SMAP1: variants seen among roughly 807,000 people sequenced by gnomAD.
SMAP1 encodes the protein stromal membrane-associated protein 1.
A neutral mutation model predicts 58.5 loss-of-function variants in SMAP1; 24 were observed. That is an observed-to-expected ratio of 0.41 (90% CI 0.30 to 0.58). SMAP1 has a LOEUF of 0.58. Among genes scored for constraint, SMAP1 ranks in the 20% least tolerant of loss-of-function variants. SMAP1 has a pLI of 0.29. For synonymous variants in SMAP1, 216 were observed against 196.6 expected (o/e 1.10, Z -0.82); for missense variants, 563 against 566.3 (o/e 0.99, Z 0.06).
chr6:70,774,583 A>T (rs1582159630), intron 4 of SMAP1, among the ~76,000 whole-genome samples: 2 of 152,196 alleles, frequency 1.3e-5, no homozygotes, highest in Admixed American at 1.3e-4. Flanking sequence ...TTGTTAAAAA[A>T]GTTTTTAAGT....
intron 6 of SMAP1, among the ~76,000 whole-genome samples, chr6:70,811,177 TCTAA>T (rs1769371462): frequency 6.6e-6 from 1 of 152,202 alleles, no homozygotes; most frequent in South Asian, 2.1e-4. Flanking sequence ...TTACTAGATG[TCTAA>T]CTACTCTGTG....
chr6:70,710,908 C>T (rs1768031399), intron 1 of SMAP1, among the ~76,000 whole-genome samples: 1 of 151,952 alleles, frequency 6.6e-6, no homozygotes. Context: ...GACACGAACA[C>T]CCATATTAGC....
chr6:70,852,761 A>G (rs1751819893), intron 8 of SMAP1, 97 bp downstream of exon 8: 1 of 1,341,728 alleles, frequency 7.5e-7, no homozygotes, highest in African/African-American at 1.5e-5. Flanking sequence ...CTGAGCAGTA[A>G]CTGATTTAAA....
At chr6:70,845,921 G>A (rs922816588) in intron 7 of SMAP1, among the ~76,000 whole-genome samples, 65 of 152,186 alleles carry the variant, frequency 4.3e-4, no homozygotes, top group African/African-American at 1.5e-3. Context: ...AAGCCCTGGT[G>A]TAGGGATTCT....
At chr6:70,835,251 CAAAAAAAAAAAA>C (rs778677881) in intron 6 of SMAP1, among the ~76,000 whole-genome samples, 2 of 57,940 alleles carry the variant, frequency 3.5e-5, no homozygotes, top group South Asian at 6.9e-4. Context: ...GACTCCGTCT[CAAAAAAAAAAAA>C]AAAAAAAAAA....
At chr6:70,675,729 TAGGTAGATA>T (rs1224657548) in intron 1 of SMAP1, among the ~76,000 whole-genome samples, 2 of 150,684 alleles carry the variant, frequency 1.3e-5, no homozygotes, top group African/African-American at 2.4e-5. Flanking sequence ...TAGCAGGGGA[TAGGTAGATA>T]AGGTTCATGC....
At position 70,860,867 on chromosome 6, in the gene SMAP1, G is replaced by GT. The variant is rs1239117002; in HGVS notation, c.*534dup. ...TGTTATGATGTGCTTAACAGGGAAC[G>GT]TGATTAGTGAAAGGAAGATAAACGT... On this transcript the variant is annotated 3_prime_UTR_variant, in exon 11 of 11. Transcript: ENST00000370455. 8 of 393,494 alleles carry GT rather than the reference G, an allele frequency of 2.0e-5. No individual in the cohort carries two copies. Among genetic ancestry groups the GT allele is most frequent in the Non-Finnish European group, 3.1e-5 (7 of 222,964 alleles). 24.4% of individuals were successfully genotyped at this position (393,494 alleles called of 1,614,324 possible).
chr6:70,694,139 T>C, intron 1 of SMAP1: 1 of 357,918 alleles, frequency 2.8e-6, no homozygotes. Flanking sequence ...GTTTACATCT[T>C]GAATGCTACA....
chr6:70,736,710 G>T (rs1009559747), intron 2 of SMAP1, among the ~76,000 whole-genome samples: 1 of 152,100 alleles, frequency 6.6e-6, no homozygotes, highest in Non-Finnish European at 1.5e-5. Flanking sequence ...TATATTCTAT[G>T]GTTCTTACTC....
intron 7 of SMAP1, among the ~76,000 whole-genome samples, chr6:70,845,297 C>G (rs1770946629): frequency 6.6e-6 from 1 of 152,108 alleles, no homozygotes; most frequent in Non-Finnish European, 1.5e-5. Context: ...CTGGTAAACA[C>G]CAGAAGATGC....
chr6:70,734,491 G>A (rs1765546712), intron 2 of SMAP1: 1 of 152,294 alleles, frequency 6.6e-6, no homozygotes, highest in Non-Finnish European at 1.5e-5. Context: ...TCCTGGTCGG[G>A]GTAGCCATGG....
chr6:70,732,692 CTATAG>C (rs759616752), intron 2 of SMAP1, among the ~76,000 whole-genome samples, 181 bp downstream of exon 2: 87 of 152,206 alleles, frequency 5.7e-4, no homozygotes, highest in Non-Finnish European at 9.9e-4. Context: ...CATTTTGTGT[CTATAG>C]TAAAGTCAGT....
At chr6:70,759,623 A>G (rs1766664142) in intron 3 of SMAP1, among the ~76,000 whole-genome samples, 1 of 152,122 alleles carries the variant, frequency 6.6e-6, no homozygotes, top group South Asian at 2.1e-4. Flanking sequence ...GTAGGTTGGT[A>G]GGAATACTGT....
chr6:70,699,778 G>A (rs530280891), intron 1 of SMAP1, among the ~76,000 whole-genome samples: 191 of 151,656 alleles, frequency 1.3e-3, no homozygotes, highest in African/African-American at 4.4e-3. Context: ...GCCAGGCCTG[G>A]GTCTCTCCCT....
At chr6:70,821,158 A>G (rs933058438) in intron 6 of SMAP1, among the ~76,000 whole-genome samples, 4 of 151,784 alleles carry the variant, frequency 2.6e-5, no homozygotes, top group East Asian at 1.9e-4. Context: ...ATTTAGATTT[A>G]TATCAACAAG....
intron 4 of SMAP1, among the ~76,000 whole-genome samples, chr6:70,775,595 G>A (rs150716683): frequency 6.6e-6 from 1 of 152,278 alleles, no homozygotes; most frequent in East Asian, 1.9e-4. Flanking sequence ...TGTAGAGAGA[G>A]AACAAATATG....
intron 6 of SMAP1, among the ~76,000 whole-genome samples, chr6:70,811,698 T>C (rs1014015646): frequency 1.3e-5 from 2 of 152,178 alleles, no homozygotes; most frequent in South Asian, 2.1e-4. Context: ...AGATTACTTA[T>C]ATAGTAATAC....
In SMAP1 at chr6:70,857,989, A is replaced by G. The variant is rs367740510; in HGVS notation, c.1029A>G (p.Pro343=). Residue 343 remains proline, a synonymous_variant, in exon 10 of 11, where the codon CCA becomes CCG. Transcript: ENST00000370455. The part of the protein sequence containing the change: ...SQAPAAFQGF[P]SMGVPVPAAP... ...CACCAGCTGCATTTCAGGGCTTTCCATCGATGGGCGTGCCTGTGCCTGCAG... is the reference window on the plus strand; with the variant it reads ...CACCAGCTGCATTTCAGGGCTTTCCGTCGATGGGCGTGCCTGTGCCTGCAG... The G allele has an allele frequency of 5.1e-5, 83 of 1,614,036 alleles. No individual in the cohort carries two copies. Among genetic ancestry groups the G allele is most frequent in the Non-Finnish European group, 6.7e-5 (79 of 1,180,010 alleles).
chr6:70,794,594 G>A (rs774192018), intron 5 of SMAP1, among the ~76,000 whole-genome samples: 29 of 152,046 alleles, frequency 1.9e-4, no homozygotes, highest in Non-Finnish European at 3.1e-4. Context: ...GATGTTCCCC[G>A]CCCTATGTCC....
Sources: gnomAD v4.1 joint callset for allele counts (sites outside exome capture counted in the v4.1 genomes callset) on GRCh38, gnomAD v4.1.1 for gene constraint, MANE v1.5 for transcripts, NCBI Gene and HGNC (gene_info 2026-07-23, HGNC 2026-07-21) for gene names.